DAB1: variants seen among roughly 807,000 people sequenced by gnomAD.
DAB1 encodes the protein DAB adaptor protein 1.
A neutral mutation model predicts 64.6 loss-of-function variants in DAB1; 15 were observed. The ratio of observed to expected loss-of-function variants is 0.23; its 90% confidence interval spans 0.16 to 0.36. DAB1 has a LOEUF of 0.36. DAB1 is among the 10% of genes least tolerant of loss of function. DAB1 has a pLI of 1.00. For missense variants in DAB1, 596 were observed against 706.7 expected (o/e 0.84, Z 1.78); for synonymous variants, 235 against 251.9 (o/e 0.93, Z 0.64).
chr1:58,095,626 T>C (rs1186422000), intron 5 of DAB1, among the ~76,000 whole-genome samples: 3 of 152,196 alleles, frequency 2.0e-5, no homozygotes, highest in Admixed American at 2.0e-4. Flanking sequence ...GTTGAGCACA[T>C]GGCGAGCACT....
intron 7 of DAB1, among the ~76,000 whole-genome samples, chr1:57,560,597 A>G (rs537669486): frequency 2.0e-5 from 3 of 152,222 alleles, no homozygotes; most frequent in Non-Finnish European, 2.9e-5. Flanking sequence ...GTGTTACTCC[A>G]GCCCATTTAT....
At chr1:58,354,272 T>C (rs4375295) in intron 3 of DAB1, among the ~76,000 whole-genome samples, 76,582 of 151,844 alleles carry the variant, frequency 0.5, 19,298 homozygotes, top group East Asian at 0.59. Context: ...CCTATTCGAA[T>C]TCAAGCGAGG....
At chr1:58,037,081 T>C (rs1342707703) in intron 5 of DAB1, among the ~76,000 whole-genome samples, 2 of 152,024 alleles carry the variant, frequency 1.3e-5, no homozygotes. Flanking sequence ...CCTCCCATCT[T>C]CCCTTAGACC....
chr1:57,284,534 A>C (rs919836510), intron 2 of DAB1, among the ~76,000 whole-genome samples: 3 of 152,162 alleles, frequency 2.0e-5, no homozygotes, highest in African/African-American at 7.2e-5. Flanking sequence ...GACTTGTCTG[A>C]AGTTAGACCA....
intron 3 of DAB1, among the ~76,000 whole-genome samples, chr1:58,375,649 TG>T (rs764847860): frequency 0.065 from 8,070 of 123,336 alleles, 353 homozygotes; most frequent in Middle Eastern, 0.14. Context: ...TCTCTTTTTT[TG>T]GTTGTGTCTC....
At chr1:57,007,844 A>C (rs533177933) in intron 14 of DAB1, among the ~76,000 whole-genome samples, 2 of 152,234 alleles carry the variant, frequency 1.3e-5, no homozygotes, top group African/African-American at 2.4e-5. Flanking sequence ...AAATGTTTGG[A>C]AAGGCACTAA....
At chr1:57,615,933 T>G (rs1645786513) in intron 7 of DAB1, among the ~76,000 whole-genome samples, 1 of 152,202 alleles carries the variant, frequency 6.6e-6, no homozygotes, top group South Asian at 2.1e-4. Flanking sequence ...TGAGGGCCCC[T>G]GTAAGTACTG....
At chr1:58,366,694 A>C (rs1187462378) in intron 3 of DAB1, among the ~76,000 whole-genome samples, 2 of 152,340 alleles carry the variant, frequency 1.3e-5, no homozygotes, top group East Asian at 3.9e-4. Flanking sequence ...CTTTTTTGCC[A>C]GGAGATGCAG....
intron 6 of DAB1, among the ~76,000 whole-genome samples, chr1:57,797,701 G>A (rs1288101460): frequency 6.6e-6 from 1 of 152,196 alleles, no homozygotes; most frequent in African/African-American, 2.4e-5. Flanking sequence ...AGAAAGGAGT[G>A]CTTTGTTCAG....
intron 2 of DAB1, among the ~76,000 whole-genome samples, chr1:57,153,610 G>T (rs1484967211): frequency 7.2e-6 from 1 of 138,842 alleles, no homozygotes; most frequent in African/African-American, 2.9e-5. Flanking sequence ...TACATAGTAG[G>T]TATATGTATG....
In DAB1 at chr1:57,472,073, A is replaced by G. The variant is rs530959885; in HGVS notation, n.625+177519T>C. On this transcript the variant is annotated intron_variant and non_coding_transcript_variant, in intron 7 of 20. Coordinates refer to the DAB1 transcript ENST00000485760. ...GAAAAATATTGTCTCTTTTCTACAA[A>G]TGAGAAAAATAAAGCTCAGAGACAT... Among the ~76,000 whole-genome samples the G allele has an allele frequency of 2.3e-3, 357 of 152,356 alleles. 3 individuals are homozygous for G. The highest frequency in any genetic ancestry group is 8.1e-3 in the African/African-American group (337 of 41,586).
chr1:57,116,319 G>A (rs865821046), intron 4 of DAB1, among the ~76,000 whole-genome samples: 14 of 151,468 alleles, frequency 9.2e-5, no homozygotes, highest in Admixed American at 1.3e-4. Context: ...AAAATTAGCC[G>A]GGCCCAGTGG....
chr1:57,840,671 G>C (rs1216509830), intron 1 of DAB1, among the ~76,000 whole-genome samples: 1 of 152,140 alleles, frequency 6.6e-6, no homozygotes, highest in Non-Finnish European at 1.5e-5. Context: ...CAGCAGGAGA[G>C]AGAGTGAGCA....
At chr1:57,185,070 A>C (rs1663392325) in intron 2 of DAB1, among the ~76,000 whole-genome samples, 1 of 151,926 alleles carries the variant, frequency 6.6e-6, no homozygotes, top group African/African-American at 2.4e-5. Context: ...TGAGACCACC[A>C]ACCTCTTGCT....
chr1:57,227,242 A>G (rs1402755635), intron 2 of DAB1, among the ~76,000 whole-genome samples: 1 of 152,144 alleles, frequency 6.6e-6, no homozygotes, highest in Admixed American at 6.5e-5. Flanking sequence ...TCACCCTGAC[A>G]AGATTTTAAA....
intron 7 of DAB1, among the ~76,000 whole-genome samples, chr1:57,596,739 G>A (rs1160512360): frequency 1.3e-5 from 2 of 152,114 alleles, no homozygotes; most frequent in Non-Finnish European, 2.9e-5. Flanking sequence ...TCCTTTGTGG[G>A]CTCTTAAAAG....
At chr1:58,435,395 C>A (rs1644930471) in intron 3 of DAB1, among the ~76,000 whole-genome samples, 1 of 152,120 alleles carries the variant, frequency 6.6e-6, no homozygotes, top group Non-Finnish European at 1.5e-5. Context: ...TGTTTTTCCC[C>A]CATGGTCGTA....
chr1:58,162,541 G>A (rs1280353401), intron 4 of DAB1, among the ~76,000 whole-genome samples: 1 of 152,134 alleles, frequency 6.6e-6, no homozygotes, highest in East Asian at 1.9e-4. Context: ...GAACACCTTA[G>A]CGAAGGTCTT....
At chr1:57,431,469 A>T (rs1386802394) in intron 7 of DAB1, among the ~76,000 whole-genome samples, 3 of 152,214 alleles carry the variant, frequency 2.0e-5, no homozygotes, top group Non-Finnish European at 4.4e-5. Context: ...CAATGAAAAA[A>T]TATTTCTATG....
Sources: gnomAD v4.1 joint callset for allele counts (sites outside exome capture counted in the v4.1 genomes callset) on GRCh38, gnomAD v4.1.1 for gene constraint, MANE v1.5 for transcripts, NCBI Gene and HGNC (gene_info 2026-07-23, HGNC 2026-07-21) for gene names.